The following BRMS1 variants were observed in gnomAD, a reference collection of about 807,000 sequenced individuals.
The protein encoded by BRMS1 is BRMS1 transcriptional repressor and anoikis regulator, also known as breast cancer metastasis-suppressor 1.
In BRMS1, 26 loss-of-function variants were observed where a neutral mutation model predicts 40.4. The ratio of observed to expected loss-of-function variants is 0.64; its 90% CI spans 0.47 to 0.89. BRMS1 has a LOEUF of 0.89. Ranked by LOEUF, BRMS1 falls within the 40% of genes least tolerant of loss-of-function variation. The pLI, the probability that BRMS1 is intolerant of heterozygous loss-of-function variation, is 0.00. For missense variants in BRMS1, 289 were observed against 309.4 expected (o/e 0.93, Z 0.49); for synonymous variants, 103 against 116.0 (o/e 0.89, Z 0.72).
chr11:66,341,049 G>A lies in BRMS1; in HGVS notation c.359-3C>T, dbSNP rs541736217. 4 of 1,613,818 alleles carry A rather than the reference G, an allele frequency of 2.5e-6. No individual in the cohort carries two copies. The South Asian group carries it at 3.3e-5, about 13-fold the overall frequency. On this transcript the variant is annotated splice_region_variant and splice_polypyrimidine_tract_variant and intron_variant, in intron 4 of 9. Transcript: ENST00000359957. This position sits in a 1 kb window ranked among gnomAD's most constrained non-coding sequence, Gnocchi z 4.9. ...CAGACAGAAGCCCTTGTAGATCCCT[G>A]CAGAGAAAGGGAGGAGGGTCCCTGC...
In BRMS1 at chr11:66,341,519, G is replaced by A. The variant is rs750386433; in HGVS notation, c.230+14C>T. Reference sequence around the variant, plus strand: ...GATCCTCGCAGACCCAGCCCAAGGTGTCCCCACGCTCACTTCTCCTTTAGC... The same window carrying A: ...GATCCTCGCAGACCCAGCCCAAGGTATCCCCACGCTCACTTCTCCTTTAGC... On this transcript the variant is annotated intron_variant, in intron 3 of 9. Transcript: ENST00000359957. This position sits in a 1 kb window ranked among gnomAD's most constrained non-coding sequence, Gnocchi z 4.9. 1.5e-5 allele frequency: 24 copies of A among 1,613,016 alleles called. No homozygotes were observed. Among genetic ancestry groups the A allele is most frequent in the Non-Finnish European group, 2.5e-6 (3 of 1,179,218 alleles).
At chr11:66,338,892 C>T in intron 7 of BRMS1, 107 bp from the exon 8 acceptor site, 1 of 1,186,410 alleles carries the variant, frequency 8.4e-7, no homozygotes, top group Non-Finnish European at 1.2e-6. Context: ...GGAGTGGGAG[C>T]TGAGGACCTG....
chr11:66,340,020 T>A, intron 7 of BRMS1, 101 bp downstream of exon 7: 1 of 895,176 alleles, frequency 1.1e-6, no homozygotes, highest in Non-Finnish European at 1.8e-6. Flanking sequence ...CGAGTGCATC[T>A]AGTGTGACTG....
rs557637701 is a variant in BRMS1 at position 66,338,576 on chromosome 11, G to C, written c.693+145C>G. 134 of 1,551,002 alleles carry C rather than the reference G, an allele frequency of 8.6e-5. No homozygotes were observed. In the African/African-American group the frequency reaches 1.8e-3, roughly 20 times the overall value. On this transcript the variant is annotated intron_variant, in intron 8 of 9. Transcript: ENST00000359957. ...GGCCGCCTTGAGCAAGAGGACTTGT[G>C]AGCCAACTGCGATCCAGGGACTCTG...
Position 66,342,126 on chromosome 11 carries a change from T to A in BRMS1, c.109A>T (p.Ser37Cys), listed in dbSNP as rs1443408319. 1.2e-6 allele frequency: 2 copies of A among 1,613,826 alleles called. No individual in the cohort carries two copies. Among genetic ancestry groups the A allele is most frequent in the Admixed American group, 3.3e-5 (2 of 59,996 alleles). ...EEESEEERSG[S>C]QTESEEESSE... ...CTCTCCTCTTCTGACTCTGTCTGGC[T>A]GCCGCTCCGCTCCTCCTCACTCTCT... The change falls in exon 2 of 10, where the codon AGC (serine) becomes TGC (cysteine). Residue 37 changes from serine (S) to cysteine (C), a missense_variant. Physicochemically the swap from Ser to Cys is moderately radical, Grantham distance 112. Transcript: ENST00000359957.
rs376867668 is a variant in BRMS1 at position 66,338,714 on chromosome 11, C to A, written c.693+7G>T. ...GGGCAGGTCACGTGGGCAGCAGCGG[C>A]CCCCACCTTTTTGATGGCTGTCCAG... On this transcript the variant is annotated splice_region_variant and intron_variant, in intron 8 of 9. Coordinates refer to ENST00000359957, the MANE Select transcript of BRMS1 (RefSeq NM_015399.4). 42 of 1,609,640 alleles carry A rather than the reference C, an allele frequency of 2.6e-5. No individual in the cohort carries two copies. Among genetic ancestry groups the A allele is most frequent in the South Asian group, 2.5e-4 (23 of 90,910 alleles).
chr11:66,342,060 G>C, intron 2 of BRMS1, 36 bp downstream of exon 2: 1 of 1,573,196 alleles, frequency 6.4e-7, no homozygotes, highest in Non-Finnish European at 8.7e-7. Flanking sequence ...GGGGCTCTGT[G>C]TGTGTGTGTG....
At chr11:66,343,194 G>T (rs906873981) in intron 1 of BRMS1, among the ~76,000 whole-genome samples, 1 of 152,300 alleles carries the variant, frequency 6.6e-6, no homozygotes, top group Middle Eastern at 3.4e-3. Flanking sequence ...CCTCCCACTT[G>T]TTCGATGTCC....
intron 8 of BRMS1, 50 bp downstream of exon 8, chr11:66,338,671 G>A (rs1006183371): frequency 6.2e-7 from 1 of 1,613,338 alleles, no homozygotes; most frequent in Non-Finnish European, 8.5e-7. Context: ...TGCTGCCAGG[G>A]TGGGGGGCCC....
chr11:66,343,404 G>A (rs906883748), intron 1 of BRMS1, among the ~76,000 whole-genome samples: 1 of 152,234 alleles, frequency 6.6e-6, no homozygotes, highest in Non-Finnish European at 1.5e-5. Context: ...GTATGCAGGC[G>A]CCCAAGTGTG....
intron 7 of BRMS1, 119 bp downstream of exon 7, chr11:66,340,002 A>C (rs1289987100): frequency 1.3e-6 from 1 of 753,642 alleles, no homozygotes; most frequent in Non-Finnish European, 2.2e-6. Flanking sequence ...CATGACACCA[A>C]GCAACCACGA....
intron 1 of BRMS1, among the ~76,000 whole-genome samples, chr11:66,343,590 G>A (rs1162577342): frequency 6.6e-6 from 1 of 152,204 alleles, no homozygotes; most frequent in Non-Finnish European, 1.5e-5. Context: ...AGCTGGGTGA[G>A]CTGCACTTAT....
chr11:66,341,582 C>T lies in BRMS1; in HGVS notation c.181G>A (p.Val61Ile). ...EDYERRRSECVSEMLDLEKQF... is the reference protein window; with the variant it reads ...EDYERRRSECISEMLDLEKQF... The stretch of plus-strand genomic sequence containing the variant: ...TTCTCTAGGTCCAGCATCTCACTGA[C>T]ACACTCGCTGCGGCGTCGCTCATAG... Residue 61 changes from valine (V) to isoleucine (I), a missense_variant, in exon 3 of 10, where the codon GTC becomes ATC. Coordinates refer to ENST00000359957, the MANE Select transcript of BRMS1 (RefSeq NM_015399.4). The surrounding 1 kb of genome is among the most constrained non-coding windows in gnomAD (Gnocchi z 4.9). 1 of 1,614,170 alleles carries T rather than the reference C, an allele frequency of 6.2e-7. No homozygotes were observed. The highest frequency in any genetic ancestry group is 1.3e-5 in the African/African-American group (1 of 75,058).
intron 6 of BRMS1, 29 bp from the exon 7 acceptor site, chr11:66,340,242 G>A: frequency 6.3e-7 from 1 of 1,593,940 alleles, no homozygotes; most frequent in South Asian, 1.1e-5. Context: ...TTAGAATTGG[G>A]GTGCTGGCCC....
rs554674156 is a variant in BRMS1, at chr11:66,341,969, A to T, written c.139+127T>A. On this transcript the variant is annotated intron_variant, in intron 2 of 9. Coordinates refer to ENST00000359957, the MANE Select transcript of BRMS1 (RefSeq NM_015399.4). The surrounding 1 kb of genome is among the most constrained non-coding windows in gnomAD (Gnocchi z 4.9). ...GTGCGCTTGTGTGCAGGGTCTGTGT[A>T]TGTGCTTGTGTGTAGGCGCTGTATG... The T allele has an allele frequency of 5.2e-6, 5 of 965,484 alleles. No homozygotes were observed. Among genetic ancestry groups the T allele is most frequent in the Non-Finnish European group, 7.4e-6 (5 of 680,002 alleles). 59.8% of individuals were successfully genotyped at this position (965,484 alleles called of 1,614,324 possible).
At position 66,337,802 on chromosome 11, in the gene BRMS1, G is replaced by A. The variant is rs371968957; in HGVS notation, c.*80C>T. ...CAGACCCTGAGGGGCCTGTGGGTCC[G>A]CCTGTCTGCAGGAGGAAGACGAGAA... On this transcript the variant is annotated 3_prime_UTR_variant, in exon 10 of 10. Transcript: ENST00000359957. The A allele has an allele frequency of 5.6e-5, 90 of 1,613,910 alleles. 1 individual carries two copies. The South Asian group carries it at 7.9e-4, about 14-fold the overall frequency.
In BRMS1 at chr11:66,337,854, A is replaced by C; in HGVS notation, c.*28T>G. ...CCTGGGTGCAGTGCCAGCTGCTCTG[A>C]GGGTCCCCCTGGCTGTGAACAGCAG... is the stretch of plus-strand genomic sequence containing the variant. On this transcript the variant is annotated 3_prime_UTR_variant, in exon 10 of 10. Coordinates refer to ENST00000359957, the MANE Select transcript of BRMS1 (RefSeq NM_015399.4). 1 of 1,614,190 alleles carries C rather than the reference A, an allele frequency of 6.2e-7. No homozygotes were observed. The highest frequency in any genetic ancestry group is 2.2e-5 in the East Asian group (1 of 44,884).
rs1854945037 is a variant in BRMS1, at chr11:66,337,575, C to T, written c.*307G>A. ...AGGATGTGGCTTTGACTTCGGCTGT[C>T]TTCTCTGTCAGGGGAGCCCCAAGAG... On this transcript the variant is annotated 3_prime_UTR_variant, in exon 10 of 10. Coordinates refer to ENST00000359957, the MANE Select transcript of BRMS1 (RefSeq NM_015399.4). 9.3e-7 allele frequency: 1 copy of T among 1,072,730 alleles called. No homozygotes were observed. The highest frequency in any genetic ancestry group is 1.6e-5 in the African/African-American group (1 of 63,398). The allele number at this position is 1,072,730 out of a possible 1,614,324, so 66.5% of individuals were successfully genotyped here.
rs541164374 is a variant in BRMS1 at position 66,341,220 on chromosome 11, C to A, written c.344G>T (p.Arg115Leu). ...CACCCACAGACCTGCCACCTGAATG[C>A]GAATCTTGAGGCTCCGCTGCAGCCC... ...LGGLQRSLKI[R>L]IQVAGIYKGF... Residue 115 changes from arginine (R) to leucine (L), a missense_variant, in exon 4 of 10, where the codon CGC (arginine) becomes CTC (leucine). Transcript: ENST00000359957. The surrounding 1 kb of genome is among the most constrained non-coding windows in gnomAD (Gnocchi z 4.9). 1.2e-6 allele frequency: 2 copies of A among 1,611,968 alleles called. No homozygotes were observed. Among genetic ancestry groups the A allele is most frequent in the Non-Finnish European group, 1.7e-6 (2 of 1,178,314 alleles).
Sources: allele counts gnomAD v4.1 joint callset (sites outside exome capture counted in the v4.1 genomes callset), GRCh38; gene constraint gnomAD v4.1.1; non-coding constraint Gnocchi (gnomAD v3.1); transcripts MANE v1.5; gene names NCBI Gene and HGNC (gene_info 2026-07-23, HGNC 2026-07-21).